Variants in SV2B observed in about 807,000 individuals in gnomAD.
SV2B encodes the protein synaptic vesicle glycoprotein 2B.
Under a neutral mutation model 73.9 loss-of-function variants are expected in SV2B, and 41 were observed. The ratio of observed to expected loss-of-function variants is 0.56; its 90% confidence interval spans 0.43 to 0.72. SV2B has a LOEUF of 0.72. Among genes scored for constraint, SV2B ranks in the 30% least tolerant of loss-of-function variants. The pLI is 0.00. For synonymous variants in SV2B, 314 were observed against 314.2 expected (o/e 1.00, Z 0.01); for missense variants, 764 against 857.8 (o/e 0.89, Z 1.37).
rs980576286 is a variant in SV2B, at chr15:91,231,925, C to A, written c.451+5211C>A. ...GGACACAGAGCAATGTCAGATGGGG[C>A]AGATTCATTAGAATAAATTGTGAGC... On this transcript the variant is annotated intron_variant, in intron 2 of 12. Coordinates refer to ENST00000394232, the MANE Select transcript of SV2B (RefSeq NM_001323032.3). The surrounding 1 kb of genome is among the most constrained non-coding windows in gnomAD (Gnocchi z 4.5). Among the ~76,000 whole-genome samples the A allele has an allele frequency of 6.6e-6, 1 of 152,182 alleles. No individual in the cohort carries two copies. The highest frequency in any genetic ancestry group is 6.5e-5 in the Admixed American group (1 of 15,278).
In SV2B at chr15:91,302,429, G is replaced by A. The variant is rs535761281; in HGVS notation, c.*9877G>A. Among the ~76,000 whole-genome samples, 1 of 152,212 alleles carries A rather than the reference G, an allele frequency of 6.6e-6. No homozygotes were observed. The highest frequency in any genetic ancestry group is 2.1e-4 in the South Asian group (1 of 4,798). ...GTGATGCTGGTTGTCAGAGGGCTGA[G>A]GGTGGTGGCCTTTTGCTAACTGGTA... On this transcript the variant is annotated 3_prime_UTR_variant, in exon 13 of 13. Coordinates refer to ENST00000394232, the MANE Select transcript of SV2B (RefSeq NM_001323032.3).
chr15:91,167,184 A>C (rs537407393), intron 1 of SV2B, among the ~76,000 whole-genome samples: 1 of 152,298 alleles, frequency 6.6e-6, no homozygotes, highest in South Asian at 2.1e-4. Context: ...ATTTTATGGA[A>C]TATGGTTACA....
In SV2B at chr15:91,136,828, T is replaced by G. The variant is rs1477728899; in HGVS notation, c.-392+36465T>G. Reference sequence around the variant, plus strand: ...CATGGGATCCAGAGGTGGGTGGCAGTGATGAAACAAGAGGGCAAGCAGCTT... The same window carrying G: ...CATGGGATCCAGAGGTGGGTGGCAGGGATGAAACAAGAGGGCAAGCAGCTT... On this transcript the variant is annotated intron_variant, in intron 1 of 12. Transcript: ENST00000394232. The surrounding 1 kb of genome is among the most constrained non-coding windows in gnomAD (Gnocchi z 5.6). Among the ~76,000 whole-genome samples the G allele has an allele frequency of 6.6e-6, 1 of 151,970 alleles. No individual in the cohort carries two copies. The highest frequency in any genetic ancestry group is 1.5e-5 in the Non-Finnish European group (1 of 67,978).
intron 1 of SV2B, among the ~76,000 whole-genome samples, chr15:91,188,152 T>TA (rs1478214257): frequency 6.6e-6 from 1 of 152,034 alleles, no homozygotes; most frequent in Non-Finnish European, 1.5e-5. Context: ...CCAAGAGGTA[T>TA]AACTGGAGAT....
intron 11 of SV2B, among the ~76,000 whole-genome samples, chr15:91,285,907 G>A (rs1463137829): frequency 6.6e-6 from 1 of 152,110 alleles, no homozygotes; most frequent in Non-Finnish European, 1.5e-5. Context: ...AGGGGCAGGC[G>A]GGACGGTGAG....
intron 1 of SV2B, among the ~76,000 whole-genome samples, chr15:91,107,128 C>T (rs954247694): frequency 4.6e-5 from 7 of 151,308 alleles, no homozygotes; most frequent in Non-Finnish European, 8.8e-5. Flanking sequence ...GTGCCAGTGG[C>T]GGAGAAAAAG....
In SV2B at chr15:91,227,973, G is replaced by A. The variant is rs567899959; in HGVS notation, c.451+1259G>A. On this transcript the variant is annotated intron_variant, in intron 2 of 12. Transcript: ENST00000394232. This position sits in a 1 kb window ranked among gnomAD's most constrained non-coding sequence, Gnocchi z 4.5. ...GCACAATAGCAGCTTTGAACAACAC[G>A]TAAACAAATGGGCTGTGTTCCAATT... is the stretch of plus-strand genomic sequence containing the variant. 7.9e-5 allele frequency among the ~76,000 whole-genome samples: 12 copies of A among 152,248 alleles called. No individual in the cohort carries two copies. Among genetic ancestry groups the A allele is most frequent in the Non-Finnish European group, 1.3e-4 (9 of 68,010 alleles).
rs147821183 is a variant in SV2B, at chr15:91,296,788, A to C, written c.*4236A>C. ...CGTTGGGAGCACACTCCTTCTGCCC[A>C]ATCATTGGGCTCACGCTCCTTCTGC... On this transcript the variant is annotated 3_prime_UTR_variant, in exon 13 of 13. Transcript: ENST00000394232. 2 of 104,800 alleles carry C rather than the reference A, an allele frequency of 1.9e-5. No individual in the cohort carries two copies. Among genetic ancestry groups the C allele is most frequent in the African/African-American group, 7.7e-5 (2 of 25,920 alleles). 6.5% of individuals were successfully genotyped at this position (104,800 alleles called of 1,614,324 possible).
Position 91,100,613 on chromosome 15 carries a change from C to A in SV2B, c.-392+250C>A, listed in dbSNP as rs1168706573. ...GCCTCCCCAAGGGCTGTTTTAAAAC[C>A]CTGTTTGAACTATTAGCGCCATAAG... is the stretch of plus-strand genomic sequence containing the variant. On this transcript the variant is annotated intron_variant, in intron 1 of 12. Transcript: ENST00000394232. The surrounding 1 kb of genome is among the most constrained non-coding windows in gnomAD (Gnocchi z 6.4). Among the ~76,000 whole-genome samples the A allele has an allele frequency of 6.6e-6, 1 of 152,242 alleles. No homozygotes were observed. The highest frequency in any genetic ancestry group is 1.5e-5 in the Non-Finnish European group (1 of 68,036).
chr15:91,163,054 G>A (rs1005750635), intron 1 of SV2B, among the ~76,000 whole-genome samples: 2 of 152,088 alleles, frequency 1.3e-5, no homozygotes, highest in African/African-American at 4.8e-5. Context: ...CAGAATGATG[G>A]TTTCCAGCTT....
intron 9 of SV2B, among the ~76,000 whole-genome samples, chr15:91,278,536 G>A (rs891075927): frequency 1.0e-4 from 15 of 150,280 alleles, no homozygotes; most frequent in South Asian, 6.3e-4. Context: ...AAAATTAGCC[G>A]GGCGCGGTGG....
At position 91,300,601 on chromosome 15, in the gene SV2B, G is replaced by C. The variant is rs1208960461; in HGVS notation, c.*8049G>C. 1 of 152,202 alleles carries C rather than the reference G, an allele frequency of 6.6e-6. No homozygotes were observed. The highest frequency in any genetic ancestry group is 2.4e-5 in the African/African-American group (1 of 41,442). 9.4% of individuals were successfully genotyped at this position (152,202 alleles called of 1,614,324 possible). ...TGGCCTAGACAGGTGCCGGTTTTGGGGAGAGGTGAGAGTACCCAGATGTGG... is the reference window on the plus strand; with the variant it reads ...TGGCCTAGACAGGTGCCGGTTTTGGCGAGAGGTGAGAGTACCCAGATGTGG... On this transcript the variant is annotated 3_prime_UTR_variant, in exon 13 of 13. Coordinates refer to ENST00000394232, the MANE Select transcript of SV2B (RefSeq NM_001323032.3).
At chr15:91,165,038 T>A (rs1596504052) in intron 1 of SV2B, among the ~76,000 whole-genome samples, 1 of 152,142 alleles carries the variant, frequency 6.6e-6, no homozygotes, top group Non-Finnish European at 1.5e-5. Context: ...CAACTGTGGA[T>A]CAAAAAATTT....
chr15:91,172,287 G>A (rs775479699), intron 1 of SV2B, among the ~76,000 whole-genome samples: 2 of 152,116 alleles, frequency 1.3e-5, no homozygotes, highest in African/African-American at 2.4e-5. Flanking sequence ...ATTTACATGT[G>A]CTTTTCTCTC....
In SV2B at chr15:91,124,449, G is replaced by T. The variant is rs1827027249; in HGVS notation, c.-392+24086G>T. Among the ~76,000 whole-genome samples the T allele has an allele frequency of 6.6e-6, 1 of 152,112 alleles. No individual in the cohort carries two copies. The highest frequency in any genetic ancestry group is 2.4e-5 in the African/African-American group (1 of 41,416). On this transcript the variant is annotated intron_variant, in intron 1 of 12. Coordinates refer to ENST00000394232, the MANE Select transcript of SV2B (RefSeq NM_001323032.3). This position sits in a 1 kb window ranked among gnomAD's most constrained non-coding sequence, Gnocchi z 4.6. ...GCCAGTGAGGAAGAGAGCCTGGAGGGGGAAATGTGCATTCCTTACTTCACA... is the reference window on the plus strand; with the variant it reads ...GCCAGTGAGGAAGAGAGCCTGGAGGTGGAAATGTGCATTCCTTACTTCACA...
chr15:91,205,906 T>C (rs183818849), intron 1 of SV2B, among the ~76,000 whole-genome samples: 1 of 152,142 alleles, frequency 6.6e-6, no homozygotes, highest in Non-Finnish European at 1.5e-5. Flanking sequence ...GAAAAACAGC[T>C]GTGTTAGGTG....
intron 2 of SV2B, among the ~76,000 whole-genome samples, chr15:91,237,753 T>C (rs1265979287): frequency 1.3e-5 from 2 of 151,884 alleles, no homozygotes; most frequent in Non-Finnish European, 2.9e-5. Flanking sequence ...TATTAAAAAG[T>C]AGGAACGATC....
chr15:91,241,075 G>A lies in SV2B; in HGVS notation c.452-10744G>A, dbSNP rs759166838. ...AGAATTTTAGTTCCAGGTTCATCAC[G>A]GTCACATTCCAACCATCTCTCTATT... On this transcript the variant is annotated intron_variant, in intron 2 of 12. Coordinates refer to ENST00000394232, the MANE Select transcript of SV2B (RefSeq NM_001323032.3). The surrounding 1 kb of genome is among the most constrained non-coding windows in gnomAD (Gnocchi z 4.8). 4.6e-5 allele frequency among the ~76,000 whole-genome samples: 7 copies of A among 152,082 alleles called. No individual in the cohort carries two copies. The highest frequency in any genetic ancestry group is 8.8e-5 in the Non-Finnish European group (6 of 68,020).
chr15:91,120,827 G>A (rs4328416), intron 1 of SV2B, among the ~76,000 whole-genome samples: 58,693 of 129,882 alleles, frequency 0.45, 13,283 homozygotes, highest in Middle Eastern at 0.52. Flanking sequence ...AAAAAAAAAA[G>A]AAAGAAAAAG....
Sources: allele counts gnomAD v4.1 joint callset (sites outside exome capture counted in the v4.1 genomes callset), GRCh38; gene constraint gnomAD v4.1.1; non-coding constraint Gnocchi (gnomAD v3.1); transcripts MANE v1.5; gene names NCBI Gene and HGNC (gene_info 2026-07-23, HGNC 2026-07-21).